The following GSTM5 variants were observed in gnomAD, a reference collection of about 807,000 sequenced individuals.
GSTM5 encodes the protein GST class-mu 5.
A neutral mutation model predicts 29.0 loss-of-function variants in GSTM5; 24 were observed. The observed-to-expected ratio is 0.83, with a 90% CI of 0.60 to 1.16. The LOEUF is 1.16. Ranked by LOEUF, GSTM5 falls within the 50% of genes most tolerant of loss-of-function variation. GSTM5 has a pLI of 0.00. For missense variants in GSTM5, 290 were observed against 263.0 expected (o/e 1.10, Z -0.71); for synonymous variants, 91 against 93.6 (o/e 0.97, Z 0.16).
chr1:109,715,838 CTGTTGAAGCA>C (rs932552005), intron 7 of GSTM5: 101 of 466,430 alleles, frequency 2.2e-4, no homozygotes, highest in African/African-American at 1.9e-3. Context: ...GTGGGTGCCC[CTGTTGAAGCA>C]GTGTGTGTTG....
Position 109,712,703 on chromosome 1 carries a change from C to T in GSTM5, c.112+10C>T, listed in dbSNP as rs564997006. Reference sequence around the variant, plus strand: ...TACACGCTGGGGGACGGTAATGGCACCCTCGTGTCCGGGCCCTGCCCACTC... The same window carrying T: ...TACACGCTGGGGGACGGTAATGGCATCCTCGTGTCCGGGCCCTGCCCACTC... On this transcript the variant is annotated intron_variant, in intron 2 of 7. Transcript: ENST00000256593. 5 of 1,613,970 alleles carry T rather than the reference C, an allele frequency of 3.1e-6. No homozygotes were observed. In the South Asian group the frequency reaches 4.4e-5, roughly 14 times the overall value.
At position 109,717,621 on chromosome 1, in the gene GSTM5, C is replaced by T; in HGVS notation, c.*195C>T. 1.9e-6 allele frequency: 1 copy of T among 539,212 alleles called. No individual in the cohort carries two copies. Among genetic ancestry groups the T allele is most frequent in the Non-Finnish European group, 3.4e-6 (1 of 297,374 alleles). 33.4% of individuals were successfully genotyped at this position (539,212 alleles called of 1,614,324 possible). On this transcript the variant is annotated 3_prime_UTR_variant, in exon 8 of 8. Transcript: ENST00000256593. ...TCGAGGCTCTTTAAAGCTTCAGCTC[C>T]CCACTGTCCTCCATCAAAGTCCCCC...
At chr1:109,713,356 G>A in intron 3 of GSTM5, 128 bp from the exon 4 acceptor site, 1 of 1,419,262 alleles carries the variant, frequency 7.0e-7, no homozygotes, top group South Asian at 1.1e-5. Flanking sequence ...ATTTATTAGT[G>A]TGACAGTATT....
upstream of GSTM5, chr1:109,712,193 G>T: frequency 9.3e-7 from 1 of 1,074,050 alleles, no homozygotes; most frequent in South Asian, 1.3e-5. Context: ...CGTGTTTCGG[G>T]GTTGTGGCGG....
intron 2 of GSTM5, 97 bp from the exon 3 acceptor site, chr1:109,713,022 C>G: frequency 7.2e-7 from 1 of 1,386,858 alleles, no homozygotes; most frequent in Non-Finnish European, 1.0e-6. Flanking sequence ...TCTAGATCCA[C>G]CTGTCTCAGG....
rs538211705 is a variant in GSTM5, at chr1:109,717,423, A to G, written c.654A>G (p.Lys218=). 132 of 1,612,254 alleles carry G rather than the reference A, an allele frequency of 8.2e-5. No individual in the cohort carries two copies. In the South Asian group the frequency reaches 1.4e-3, roughly 17 times the overall value. ...LFGKSATWNS[K] ...GAAAGTCAGCTACATGGAACAGCAAATAGGGCCCAGTGATGCCAGAAGATG... is the reference window on the plus strand; with the variant it reads ...GAAAGTCAGCTACATGGAACAGCAAGTAGGGCCCAGTGATGCCAGAAGATG... Residue 218 remains lysine (K), a synonymous_variant, in exon 8 of 8, where the codon AAA becomes AAG. Coordinates refer to ENST00000256593, the MANE Select transcript of GSTM5 (RefSeq NM_000851.4).
rs1475684187 is a variant in GSTM5 at position 109,716,263 on chromosome 1, C to T, written c.567+1023C>T. The T allele has an allele frequency of 5.5e-5, 11 of 201,616 alleles. No individual in the cohort carries two copies. In the South Asian group the frequency reaches 9.2e-4, roughly 17 times the overall value. The allele number at this position is 201,616 out of a possible 1,614,324, so 12.5% of individuals were successfully genotyped here. Reference sequence around the variant, plus strand: ...CTGAGCCTAGAATCTGTTTCCCTTTCCCACTCCCCATCAAGAAATCTGCTT... The same window carrying T: ...CTGAGCCTAGAATCTGTTTCCCTTTTCCACTCCCCATCAAGAAATCTGCTT... On this transcript the variant is annotated intron_variant, in intron 7 of 7. Coordinates refer to ENST00000256593, the MANE Select transcript of GSTM5 (RefSeq NM_000851.4).
intron 2 of GSTM5, 142 bp downstream of exon 2, chr1:109,712,835 G>T (rs746436589): frequency 8.8e-5 from 90 of 1,023,450 alleles, no homozygotes; most frequent in Non-Finnish European, 1.3e-4. Context: ...CCGTGAGTGA[G>T]CCCTCTGGCC....
Position 109,717,446 on chromosome 1 carries a change from A to G in GSTM5, c.*20A>G, listed in dbSNP as rs747998265. On this transcript the variant is annotated 3_prime_UTR_variant, in exon 8 of 8. Transcript: ENST00000256593. The stretch of plus-strand genomic sequence containing the variant: ...AAATAGGGCCCAGTGATGCCAGAAG[A>G]TGGGAGGGAGGAGCCAACCTTGCTG... 6.3e-7 allele frequency: 1 copy of G among 1,589,466 alleles called. No individual in the cohort carries two copies. The highest frequency in any genetic ancestry group is 8.6e-7 in the Non-Finnish European group (1 of 1,157,610).
rs962532987 is a variant in GSTM5, at chr1:109,715,021, G to T, written c.435G>T (p.Arg145=). ...LKLYSEFLGK[R]PWFAGDKITF... is the part of the protein sequence containing the mutation. The stretch of plus-strand genomic sequence containing the variant: ...TCTACTCAGAGTTTCTGGGGAAGCG[G>T]CCATGGTTTGCAGGAGACAAGGTAA... Residue 145 remains arginine (R), a synonymous_variant, in exon 6 of 8, where the codon CGG becomes CGT. Transcript: ENST00000256593. 2.5e-6 allele frequency: 4 copies of T among 1,614,158 alleles called. No homozygotes were observed. In the African/African-American group the frequency reaches 5.3e-5, roughly 22 times the overall value.
At chr1:109,715,696 G>A in intron 7 of GSTM5, 1 of 484,924 alleles carries the variant, frequency 2.1e-6, no homozygotes, top group Non-Finnish European at 3.6e-6. Flanking sequence ...CTGACACACA[G>A]TGGCATTGAT....
In GSTM5 at chr1:109,715,038, A is replaced by G; in HGVS notation, c.452A>G (p.Asp151Gly). ...GGGAAGCGGCCATGGTTTGCAGGAGACAAGGTAAAGGAGGAGTGATATGGG... is the reference window on the plus strand; with the variant it reads ...GGGAAGCGGCCATGGTTTGCAGGAGGCAAGGTAAAGGAGGAGTGATATGGG... Reference protein sequence around the residue: ...FLGKRPWFAGDKITFVDFLAY... With the variant: ...FLGKRPWFAGGKITFVDFLAY... Residue 151 changes from aspartate to glycine, a missense_variant, in exon 6 of 8, where the codon GAC becomes GGC. By Grantham distance (94) the Asp-to-Gly change is moderately conservative. Transcript: ENST00000256593. 6.2e-7 allele frequency: 1 copy of G among 1,614,268 alleles called. No homozygotes were observed. Among genetic ancestry groups the G allele is most frequent in the African/African-American group, 1.3e-5 (1 of 75,070 alleles).
chr1:109,717,113 A>T (rs1470255855), intron 7 of GSTM5: 16 of 459,046 alleles, frequency 3.5e-5, no homozygotes, highest in Non-Finnish European at 5.6e-5. Flanking sequence ...CACAGTGTAG[A>T]TCTTTCGTAA....
At position 109,713,717 on chromosome 1, in the gene GSTM5, G is replaced by C; in HGVS notation, c.316G>C (p.Asp106His). The change falls in exon 5 of 8, where the codon GAT becomes CAT. Residue 106 changes from aspartate (D) to histidine (H), a missense_variant. Asp to His is a moderately conservative substitution (Grantham distance 81). Coordinates refer to ENST00000256593, the MANE Select transcript of GSTM5 (RefSeq NM_000851.4). ...GGACATTTTGGAGAACCAGGTTATG[G>C]ATAACCACATGGAGCTGGTCAGACT... ...RVDILENQVM[D>H]NHMELVRLCY... The C allele has an allele frequency of 6.2e-7, 1 of 1,613,024 alleles. No homozygotes were observed. The highest frequency in any genetic ancestry group is 1.3e-5 in the African/African-American group (1 of 74,630).
chr1:109,712,520 G>T, intron 1 of GSTM5, 98 bp from the exon 2 acceptor site: 2 of 1,436,450 alleles, frequency 1.4e-6, no homozygotes, highest in Non-Finnish European at 2.0e-6. Context: ...GAGGCGACGG[G>T]TACGTGCAGT....
In GSTM5 at chr1:109,715,883, CCTT is replaced by C. The variant is rs1369510324; in HGVS notation, c.567+647_567+649del. ...GAAGTGCTCTGTGCTGGGGCACTCT[CCTT>C]CTTTATCTTTCTTCCTCTCTTTTTT... On this transcript the variant is annotated intron_variant, in intron 7 of 7. Coordinates refer to ENST00000256593, the MANE Select transcript of GSTM5 (RefSeq NM_000851.4). The C allele has an allele frequency of 1.9e-4, 112 of 603,958 alleles. 1 individual carries two copies. The highest frequency in any genetic ancestry group is 1.8e-3 in the Middle Eastern group (6 of 3,422). 37.4% of individuals were successfully genotyped at this position (603,958 alleles called of 1,614,324 possible). A position where few individuals can be genotyped will look rare whatever the true frequency, so the allele number is the denominator to read the frequency against.
intron 1 of GSTM5, 54 bp from the exon 2 acceptor site, chr1:109,712,564 C>T (rs903502525): frequency 6.3e-7 from 1 of 1,595,556 alleles, no homozygotes; most frequent in African/African-American, 1.3e-5. Context: ...CAGAGAAAGT[C>T]ACCAAGTCAG....
At chr1:109,714,385 C>A in intron 5 of GSTM5, 1 of 168,120 alleles carries the variant, frequency 5.9e-6, no homozygotes, top group Non-Finnish European at 1.3e-5. Flanking sequence ...TAATGGCACC[C>A]TCAAATTGCA....
At chr1:109,714,691 G>C (rs2101318028) in intron 5 of GSTM5, 1 of 548,530 alleles carries the variant, frequency 1.8e-6, no homozygotes, top group East Asian at 3.1e-5. Flanking sequence ...GGCTGACCCA[G>C]AGGCTATTGG....
Sources: gnomAD v4.1 joint callset for allele counts on GRCh38, gnomAD v4.1.1 for gene constraint, MANE v1.5 for transcripts, NCBI Gene and HGNC (gene_info 2026-07-23, HGNC 2026-07-21) for gene names.